The following TRPM7 variants were observed in gnomAD, a reference collection of about 807,000 sequenced individuals.
TRPM7 encodes the protein transient receptor potential cation channel subfamily M member 7.
TRPM7 carries 134 observed loss-of-function variants against 229.7 expected under a neutral mutation model. The observed-to-expected ratio is 0.58, with a 90% CI of 0.51 to 0.67. The LOEUF (loss-of-function observed/expected upper bound fraction) is 0.67. Among genes scored for constraint, TRPM7 ranks in the 30% least tolerant of loss-of-function variants. The probability of loss-of-function intolerance (pLI) is 0.00; values close to 1 mark genes in which losing one functional copy is unlikely to be tolerated. For synonymous variants in TRPM7, 699 were observed against 715.2 expected, an observed-to-expected ratio of 0.98 and a Z score of 0.36; for missense variants, 1,901 against 2,210.0, an observed-to-expected ratio of 0.86 and a Z score of 2.80.
chr15:50,638,672 A>T (rs1321481393), intron 6 of TRPM7, among the ~76,000 whole-genome samples: 1 of 79,360 alleles, frequency 1.3e-5, no homozygotes, highest in Non-Finnish European at 3.3e-5. Flanking sequence ...ATAATTCAGT[A>T]ATTGTATGTA....
intron 9 of TRPM7, 106 bp downstream of exon 9, chr15:50,632,763 T>C: frequency 1.8e-6 from 2 of 1,118,540 alleles, no homozygotes; most frequent in Non-Finnish European, 2.4e-6. Context: ...GATTTCAAAG[T>C]TTAAAATCCA....
chr15:50,610,988 A>T, intron 17 of TRPM7, 105 bp downstream of exon 17: 1 of 838,336 alleles, frequency 1.2e-6, no homozygotes, highest in Non-Finnish European at 1.9e-6. Context: ...TTTACCCCCC[A>T]CCATTACACT....
At chr15:50,607,567 T>A (rs960332959) in intron 19 of TRPM7, among the ~76,000 whole-genome samples, 1 of 152,180 alleles carries the variant, frequency 6.6e-6, no homozygotes. Flanking sequence ...TGTCAACCTT[T>A]AGAACGTCCC....
intron 2 of TRPM7, among the ~76,000 whole-genome samples, chr15:50,662,298 G>A (rs2061744070): frequency 6.7e-6 from 1 of 149,776 alleles, no homozygotes; most frequent in African/African-American, 2.5e-5. Flanking sequence ...TTGTACTCCA[G>A]CCTGGACGAC....
chr15:50,639,625 G>C, intron 5 of TRPM7, 77 bp from the exon 6 acceptor site: 1 of 1,386,126 alleles, frequency 7.2e-7, no homozygotes, highest in Non-Finnish European at 9.8e-7. Flanking sequence ...AGAGAGCAGT[G>C]GCGCAATGAC....
At chr15:50,638,943 G>A (rs1362806779) in intron 6 of TRPM7, among the ~76,000 whole-genome samples, 1 of 152,138 alleles carries the variant, frequency 6.6e-6, no homozygotes, top group Non-Finnish European at 1.5e-5. Context: ...AGCCTCCAAA[G>A]TGCTGGGATT....
At chr15:50,604,566 G>C (rs1470643342) in intron 21 of TRPM7, 1 of 161,012 alleles carries the variant, frequency 6.2e-6, no homozygotes, top group Non-Finnish European at 1.2e-5. Flanking sequence ...GCGAAACTCT[G>C]TCTCAAAAAG....
intron 1 of TRPM7, among the ~76,000 whole-genome samples, chr15:50,675,740 C>T (rs1433810597): frequency 6.6e-6 from 1 of 152,166 alleles, no homozygotes; most frequent in East Asian, 1.9e-4. Context: ...AGGTGGCAAA[C>T]TACAAACACA....
At chr15:50,596,784 T>TCTGTC (rs1369957253) in intron 22 of TRPM7, among the ~76,000 whole-genome samples, 1 of 152,184 alleles carries the variant, frequency 6.6e-6, no homozygotes, top group Non-Finnish European at 1.5e-5. Flanking sequence ...GGAGTCTTGC[T>TCTGTC]CTGTCACCCA....
intron 13 of TRPM7, among the ~76,000 whole-genome samples, chr15:50,615,395 T>TTA (rs1168441151): frequency 6.6e-6 from 1 of 152,140 alleles, no homozygotes; most frequent in African/African-American, 2.4e-5. Context: ...GCTTGCAACA[T>TTA]TGTTTAAAGA....
In TRPM7 at chr15:50,586,719, TATA is replaced by T. The variant is rs2059352168; in HGVS notation, c.4390-234_4390-232del. ...CATAAATCCATCCAAATGAATTTTT[TATA>T]ATAATAAAAACTCAGACTGGGCATG... On this transcript the variant is annotated intron_variant, in intron 27 of 38. Transcript: ENST00000646667. 1.7e-5 allele frequency: 6 copies of T among 346,902 alleles called. No individual in the cohort carries two copies. The South Asian group carries it at 2.7e-4, about 16-fold the overall frequency. The allele number at this position is 346,902 out of a possible 1,614,324, so 21.5% of individuals were successfully genotyped here.
In TRPM7 at chr15:50,557,553, A is replaced by G. The variant is rs965755848; in HGVS notation, c.*4125T>C. The G allele has an allele frequency of 5.9e-5, 9 of 152,384 alleles. No homozygotes were observed. Among genetic ancestry groups the G allele is most frequent in the African/African-American group, 2.2e-4 (9 of 41,592 alleles). The allele number at this position is 152,384 out of a possible 1,614,324, so 9.4% of individuals were successfully genotyped here. On this transcript the variant is annotated 3_prime_UTR_variant, in exon 39 of 39. Coordinates refer to ENST00000646667, the MANE Select transcript of TRPM7 (RefSeq NM_017672.6). ...AATATAATCTTTTCTATAATTTCCA[A>G]TACAATCAACATGTATTACTTGTAA... is the stretch of plus-strand genomic sequence containing the variant.
intron 15 of TRPM7, 88 bp downstream of exon 15, chr15:50,613,619 T>C: frequency 1.7e-6 from 2 of 1,188,828 alleles, no homozygotes; most frequent in Non-Finnish European, 1.1e-6. Flanking sequence ...TCTTACTAAA[T>C]CAATTAGTTT....
rs527874854 is a variant in TRPM7, at chr15:50,678,239, CAAAAA to C, written c.3+8287_3+8291del. 1.3e-3 allele frequency among the ~76,000 whole-genome samples: 118 copies of C among 92,100 alleles called. 4 individuals are homozygous for C. The highest frequency in any genetic ancestry group is 4.1e-3 in the African/African-American group (114 of 27,814). 60.4% of individuals were successfully genotyped at this position (92,100 alleles called of 152,430 possible). A position where few individuals can be genotyped will look rare whatever the true frequency, so the allele number is the denominator to read the frequency against. Reference sequence around the variant, plus strand: ...TGGGCAACAGAGTGAGACTCTCTCTCAAAAAAAAAAAACAAAAACAAAAACAAAAA... The same window carrying C: ...TGGGCAACAGAGTGAGACTCTCTCTCAAAAAAACAAAAACAAAAACAAAAA... On this transcript the variant is annotated intron_variant, in intron 1 of 38. Coordinates refer to ENST00000646667, the MANE Select transcript of TRPM7 (RefSeq NM_017672.6).
chr15:50,595,320 A>G (rs955088155), intron 23 of TRPM7, among the ~76,000 whole-genome samples: 3 of 152,192 alleles, frequency 2.0e-5, no homozygotes, highest in Non-Finnish European at 2.9e-5. Flanking sequence ...CTAAAAGTAC[A>G]TATACTGAAC....
intron 1 of TRPM7, among the ~76,000 whole-genome samples, chr15:50,679,525 T>TTATATATATGTGTATATATATA (rs1567129362): frequency 4.9e-4 from 24 of 48,864 alleles, no homozygotes; most frequent in African/African-American, 2.0e-3. Context: ...TATATATATA[T>TTATATATATGTGTATATATATA]ATATATATAT....
chr15:50,600,264 C>T (rs1415346333), intron 21 of TRPM7, among the ~76,000 whole-genome samples: 2 of 152,086 alleles, frequency 1.3e-5, no homozygotes, highest in East Asian at 1.9e-4. Context: ...TGGTGAAACC[C>T]TGTGTCTACT....
intron 1 of TRPM7, among the ~76,000 whole-genome samples, chr15:50,678,966 T>G (rs2062166597): frequency 6.6e-6 from 1 of 152,170 alleles, no homozygotes; most frequent in South Asian, 2.1e-4. Flanking sequence ...CTCCACCTCC[T>G]GGGTTCAAGA....
rs374833167 is a variant in TRPM7, at chr15:50,592,086, T to C, written c.4149A>G (p.Lys1383=). 1.2e-4 allele frequency: 196 copies of C among 1,610,858 alleles called. No homozygotes were observed. The Admixed American group carries it at 1.4e-3, about 12-fold the overall frequency. Residue 1383 remains lysine, a synonymous_variant, in exon 26 of 39, where the codon AAA becomes AAG. Transcript: ENST00000646667. ...ELLKIFNKNQ[K]LGSSSTSIPH... ...GTATGCTAGTAGATGAACTGCCTAA[T>C]TTTTGATTTTTATTAAATATTTTTA... is the stretch of plus-strand genomic sequence containing the variant.
Sources: gnomAD v4.1 joint callset for allele counts (sites outside exome capture counted in the v4.1 genomes callset) on GRCh38, gnomAD v4.1.1 for gene constraint, MANE v1.5 for transcripts, NCBI Gene and HGNC (gene_info 2026-07-23, HGNC 2026-07-21) for gene names.